The following DLGAP2 variants were observed in gnomAD, a reference collection of about 807,000 sequenced individuals.
The protein encoded by DLGAP2 is DLG associated protein 2, also known as disks large-associated protein 2.
A neutral mutation model predicts 100.3 loss-of-function variants in DLGAP2; 26 were observed. That is an observed-to-expected ratio of 0.26 (90% CI 0.19 to 0.36). The LOEUF (loss-of-function observed/expected upper bound fraction) is 0.36. Ranked by LOEUF, DLGAP2 falls within the 10% of genes least tolerant of loss-of-function variation. The pLI, the probability that DLGAP2 is intolerant of heterozygous loss-of-function variation, is 1.00. For missense variants in DLGAP2, 1,858 were observed against 1,453.2 expected (o/e 1.28, Z -4.53); for synonymous variants, 886 against 630.1 (o/e 1.41, Z -6.08).
At chr8:973,039 A>G (rs1050212821) in intron 2 of DLGAP2, among the ~76,000 whole-genome samples, 3 of 152,226 alleles carry the variant, frequency 2.0e-5, no homozygotes, top group Non-Finnish European at 2.9e-5. Flanking sequence ...CACAGCATCA[A>G]TCTGATTTCT....
chr8:836,035 C>G (rs1396276529), intron 1 of DLGAP2, among the ~76,000 whole-genome samples: 1 of 152,222 alleles, frequency 6.6e-6, no homozygotes, highest in African/African-American at 2.4e-5. Context: ...TGGATCCGCA[C>G]TTAACTCAGA....
chr8:821,508 A>G lies in DLGAP2; in HGVS notation c.18+83683A>G, dbSNP rs1585899514. ...ATGCCATGGAAAAAATGAGCTGGGA[A>G]TTTTGTAATTTATCAAAAATACATA... On this transcript the variant is annotated intron_variant, in intron 1 of 14. Coordinates refer to ENST00000637795, the MANE Select transcript of DLGAP2 (RefSeq NM_001346810.2). Among the ~76,000 whole-genome samples the G allele has an allele frequency of 2.6e-5, 4 of 152,336 alleles. No homozygotes were observed. The South Asian group carries it at 8.3e-4, about 32-fold the overall frequency.
chr8:1,555,407 T>G (rs541245283), intron 5 of DLGAP2, among the ~76,000 whole-genome samples: 1 of 152,314 alleles, frequency 6.6e-6, no homozygotes, highest in Non-Finnish European at 1.5e-5. Flanking sequence ...GGCCACACCA[T>G]TTCCTGACTG....
chr8:1,387,892 C>T (rs1796255774), intron 3 of DLGAP2, among the ~76,000 whole-genome samples: 1 of 152,174 alleles, frequency 6.6e-6, no homozygotes. Context: ...GCCGAGATGT[C>T]CTGTGAGTAG....
chr8:1,029,900 C>T (rs1193852731), intron 2 of DLGAP2, among the ~76,000 whole-genome samples: 1 of 152,020 alleles, frequency 6.6e-6, no homozygotes, highest in East Asian at 1.9e-4. Flanking sequence ...CTCTTGCAGA[C>T]ACAAACATGT....
chr8:1,472,625 T>A (rs1479805569), intron 3 of DLGAP2, among the ~76,000 whole-genome samples: 2 of 152,120 alleles, frequency 1.3e-5, no homozygotes, highest in Non-Finnish European at 2.9e-5. Flanking sequence ...ATCCTCAAGA[T>A]ATACAGGTTC....
intron 2 of DLGAP2, among the ~76,000 whole-genome samples, chr8:989,894 A>C (rs977693711): frequency 3.9e-5 from 6 of 152,150 alleles, no homozygotes; most frequent in Non-Finnish European, 7.4e-5. Flanking sequence ...GATTTTTCTA[A>C]GTCTTTTAAA....
intron 2 of DLGAP2, among the ~76,000 whole-genome samples, chr8:948,098 G>A (rs971731794): frequency 3.3e-5 from 5 of 151,782 alleles, no homozygotes; most frequent in South Asian, 2.1e-4. Context: ...GCCCGCGTGC[G>A]CCATGGTTCC....
intron 2 of DLGAP2, chr8:1,019,289 C>G (rs1051889569): frequency 7.2e-5 from 11 of 152,032 alleles, no homozygotes; most frequent in African/African-American, 2.7e-4. Flanking sequence ...GCTCAGAAGC[C>G]TCTCTCTGTG....
rs756195081 is a variant in DLGAP2 at position 1,580,785 on chromosome 8, C to T, written c.1442+14891C>T. ...GAAGTGAAGGATACAGACAAAACCCCACACATCTACACACCACAGTAAACT... is the reference window on the plus strand; with the variant it reads ...GAAGTGAAGGATACAGACAAAACCCTACACATCTACACACCACAGTAAACT... On this transcript the variant is annotated intron_variant, in intron 6 of 14. Transcript: ENST00000637795. 8.6e-5 allele frequency among the ~76,000 whole-genome samples: 13 copies of T among 150,504 alleles called. No individual in the cohort carries two copies. In the South Asian group the frequency reaches 1.7e-3, roughly 20 times the overall value.
intron 1 of DLGAP2, among the ~76,000 whole-genome samples, chr8:861,280 C>T (rs1797385205): frequency 6.6e-6 from 1 of 152,160 alleles, no homozygotes; most frequent in South Asian, 2.1e-4. Flanking sequence ...CTGGGAGCTG[C>T]GTAGGTTAGG....
At chr8:779,055 C>G (rs1821612847) in intron 1 of DLGAP2, among the ~76,000 whole-genome samples, 1 of 152,336 alleles carries the variant, frequency 6.6e-6, no homozygotes, top group East Asian at 1.9e-4. Flanking sequence ...TGCCTTTTTT[C>G]AAGCCCGTCA....
intron 2 of DLGAP2, among the ~76,000 whole-genome samples, chr8:1,107,733 G>A (rs552007727): frequency 6.6e-6 from 1 of 152,152 alleles, no homozygotes; most frequent in Admixed American, 6.5e-5. Context: ...TTTGCCATTC[G>A]TCACATTTAT....
At chr8:1,053,536 G>T (rs577484001) in intron 2 of DLGAP2, among the ~76,000 whole-genome samples, 1 of 152,110 alleles carries the variant, frequency 6.6e-6, no homozygotes, top group Non-Finnish European at 1.5e-5. Flanking sequence ...ATGTGTGCAT[G>T]CAGCTGAAGA....
intron 6 of DLGAP2, chr8:1,621,208 A>G (rs1444521408): frequency 6.6e-6 from 1 of 151,966 alleles, no homozygotes; most frequent in Admixed American, 6.6e-5. Flanking sequence ...CATCCTTCAA[A>G]CCTGCCCAGT....
intron 3 of DLGAP2, among the ~76,000 whole-genome samples, chr8:1,312,378 G>A (rs1323841905): frequency 6.6e-6 from 1 of 152,192 alleles, no homozygotes; most frequent in Non-Finnish European, 1.5e-5. Context: ...CTGAAAGACA[G>A]TTAAGAGAAT....
intron 2 of DLGAP2, among the ~76,000 whole-genome samples, chr8:1,021,945 C>T (rs1801635136): frequency 6.6e-6 from 1 of 152,120 alleles, no homozygotes. Context: ...TTGATGTTAG[C>T]GCCAGTATTA....
intron 3 of DLGAP2, among the ~76,000 whole-genome samples, chr8:1,492,625 C>T (rs1409479722): frequency 6.6e-6 from 1 of 152,222 alleles, no homozygotes; most frequent in South Asian, 2.1e-4. Context: ...GTCCCCTCCC[C>T]CCACGAAGAG....
chr8:1,235,233 C>G (rs1344594078), intron 2 of DLGAP2, among the ~76,000 whole-genome samples: 1 of 119,892 alleles, frequency 8.3e-6, no homozygotes, highest in African/African-American at 4.5e-5. Flanking sequence ...CATGGCATGT[C>G]TAGTTCTCTC....
Sources: gnomAD v4.1 joint callset for allele counts (sites outside exome capture counted in the v4.1 genomes callset) on GRCh38, gnomAD v4.1.1 for gene constraint, MANE v1.5 for transcripts, NCBI Gene and HGNC (gene_info 2026-07-23, HGNC 2026-07-21) for gene names.